NREP: variants seen among roughly 807,000 people sequenced by gnomAD.
NREP encodes the protein neuronal regeneration-related protein.
A neutral mutation model predicts 8.6 loss-of-function variants in NREP; 5 were observed. The observed-to-expected ratio is 0.58, with a 90% CI of 0.30 to 1.22. NREP has a LOEUF of 1.22. NREP is among the 50% of genes most tolerant of loss of function. NREP has a pLI of 0.07. For synonymous variants in NREP, 27 were observed against 28.0 expected (o/e 0.96, Z 0.11); for missense variants, 86 against 82.5 (o/e 1.04, Z -0.17).
chr5:111,800,342 G>A (rs879891193), intron 2 of NREP, among the ~76,000 whole-genome samples: 19 of 152,292 alleles, frequency 1.2e-4, no homozygotes, highest in African/African-American at 3.9e-4. Flanking sequence ...GCTGTACATC[G>A]GTGATTATTA....
Position 111,747,057 on chromosome 5 carries a change from C to A in NREP, c.3+8713G>T, listed in dbSNP as rs903861494. Among the ~76,000 whole-genome samples, 7 of 152,230 alleles carry A rather than the reference C, an allele frequency of 4.6e-5. 1 individual carries two copies. The South Asian group carries it at 1.0e-3, about 23-fold the overall frequency. ...CAAGAACAGACTTTGACATCATGGT[C>A]CCAATGAGCCTTCTGGGTGGCTTTC... is the stretch of plus-strand genomic sequence containing the variant. On this transcript the variant is annotated intron_variant, in intron 2 of 3. Coordinates refer to ENST00000257435, the MANE Select transcript of NREP (RefSeq NM_004772.4).
intron 2 of NREP, among the ~76,000 whole-genome samples, chr5:111,905,192 G>A (rs943461177): frequency 6.6e-6 from 1 of 152,072 alleles, no homozygotes; most frequent in African/African-American, 2.4e-5. Flanking sequence ...TCTACACATG[G>A]GTGTACCATA....
intron 2 of NREP, among the ~76,000 whole-genome samples, chr5:111,833,425 G>A (rs942562657): frequency 1.3e-5 from 2 of 152,208 alleles, no homozygotes; most frequent in Non-Finnish European, 2.9e-5. Flanking sequence ...ATGAATGACA[G>A]AATCATTCTA....
intron 2 of NREP, among the ~76,000 whole-genome samples, chr5:111,749,558 A>G (rs1750223390): frequency 6.6e-6 from 1 of 152,196 alleles, no homozygotes; most frequent in African/African-American, 2.4e-5. Flanking sequence ...AATTGTAAAC[A>G]ATTTTATTGT....
At chr5:111,820,009 T>C (rs553482878) in intron 2 of NREP, among the ~76,000 whole-genome samples, 8 of 152,282 alleles carry the variant, frequency 5.3e-5, no homozygotes, top group Non-Finnish European at 8.8e-5. Context: ...GATCAAACTT[T>C]AGTCAGATTT....
chr5:111,750,467 A>G (rs530425681), intron 2 of NREP, among the ~76,000 whole-genome samples: 1 of 152,296 alleles, frequency 6.6e-6, no homozygotes, highest in South Asian at 2.1e-4. Context: ...CTGAATAATA[A>G]CGAGTGTCAA....
chr5:111,960,687 T>C (rs923421630), intron 2 of NREP, among the ~76,000 whole-genome samples: 16 of 152,172 alleles, frequency 1.1e-4, no homozygotes, highest in African/African-American at 3.1e-4. Context: ...CAAATAGAAA[T>C]GGAACAAGCT....
chr5:111,805,748 A>C (rs1386000121), intron 2 of NREP, among the ~76,000 whole-genome samples: 1 of 144,256 alleles, frequency 6.9e-6, no homozygotes, highest in Non-Finnish European at 1.5e-5. Flanking sequence ...ATATATGTTT[A>C]CTACACAGAG....
intron 2 of NREP, among the ~76,000 whole-genome samples, chr5:111,813,951 G>C (rs575127597): frequency 4.6e-4 from 70 of 151,988 alleles, no homozygotes; most frequent in African/African-American, 1.4e-3. Flanking sequence ...ATTTACATAA[G>C]TGCTCTCACC....
intron 2 of NREP, among the ~76,000 whole-genome samples, chr5:111,794,453 TA>T (rs565607706): frequency 5.7e-4 from 87 of 152,282 alleles, no homozygotes; most frequent in African/African-American, 2.0e-3. Flanking sequence ...CGCAGGTAAA[TA>T]AACTATGGTA....
At chr5:111,889,106 C>A (rs1561712535) in intron 2 of NREP, among the ~76,000 whole-genome samples, 1 of 152,156 alleles carries the variant, frequency 6.6e-6, no homozygotes, top group Non-Finnish European at 1.5e-5. Flanking sequence ...AAAGAAATAC[C>A]AGAGACTAGA....
intron 2 of NREP, among the ~76,000 whole-genome samples, chr5:111,875,397 G>C (rs4582333): frequency 0.11 from 16,960 of 151,984 alleles, 2,407 homozygotes; most frequent in African/African-American, 0.32. Context: ...TTTCTGGAAA[G>C]CTGTCACTTT....
rs1490426347 is a variant in NREP, at chr5:111,792,719, A to G, written c.136-57212T>C. ...CTTTGAGCATCCAAAAATAACAGAAAGAAGAGAGAAGAAAAGACAGAGAGA... is the reference window on the plus strand; with the variant it reads ...CTTTGAGCATCCAAAAATAACAGAAGGAAGAGAGAAGAAAAGACAGAGAGA... On this transcript the variant is annotated intron_variant, in intron 2 of 3. Coordinates refer to the NREP transcript ENST00000395634. Among the ~76,000 whole-genome samples the G allele has an allele frequency of 2.0e-5, 3 of 152,230 alleles. No homozygotes were observed. The South Asian group carries it at 6.2e-4, about 31-fold the overall frequency.
chr5:111,960,204 C>G lies in NREP; in HGVS notation c.135+15070G>C, dbSNP rs960733691. Among the ~76,000 whole-genome samples, 5 of 152,086 alleles carry G rather than the reference C, an allele frequency of 3.3e-5. No homozygotes were observed. The South Asian group carries it at 1.0e-3, about 31-fold the overall frequency. On this transcript the variant is annotated intron_variant, in intron 2 of 3. Transcript: ENST00000395634. ...ATTCGCACCTAGCAAAATTAAAAAT[C>G]AGAGAATCTGTGTGCATCTTCAATT...
intron 2 of NREP, among the ~76,000 whole-genome samples, chr5:111,882,576 G>C (rs1269597148): frequency 1.3e-5 from 2 of 152,180 alleles, no homozygotes; most frequent in Non-Finnish European, 1.5e-5. Flanking sequence ...AGGGCAGCCA[G>C]AGAGAAAGGC....
At chr5:111,966,532 C>T (rs2112662591) in intron 2 of NREP, among the ~76,000 whole-genome samples, 1 of 152,118 alleles carries the variant, frequency 6.6e-6, no homozygotes, top group South Asian at 2.1e-4. Flanking sequence ...ACTACCTTTC[C>T]TGCTTCTAAA....
chr5:111,787,594 A>G (rs1258935808), intron 2 of NREP, among the ~76,000 whole-genome samples: 2 of 152,114 alleles, frequency 1.3e-5, no homozygotes, highest in African/African-American at 4.8e-5. Flanking sequence ...TTGGAGAAAG[A>G]AAAGAAAGGA....
chr5:111,753,472 A>G (rs1358235334), intron 2 of NREP, among the ~76,000 whole-genome samples: 3 of 151,336 alleles, frequency 2.0e-5, no homozygotes, highest in Non-Finnish European at 4.4e-5. Flanking sequence ...GTAAAACATT[A>G]TCATTTTAGA....
chr5:111,815,252 A>C (rs888223356), intron 2 of NREP, among the ~76,000 whole-genome samples: 2 of 152,206 alleles, frequency 1.3e-5, no homozygotes, highest in African/African-American at 4.8e-5. Flanking sequence ...AGAACCCAGT[A>C]GGACTATTCC....
Sources: gnomAD v4.1 joint callset for allele counts (sites outside exome capture counted in the v4.1 genomes callset) on GRCh38, gnomAD v4.1.1 for gene constraint, MANE v1.5 for transcripts, NCBI Gene and HGNC (gene_info 2026-07-23, HGNC 2026-07-21) for gene names.